The following CHM variants were observed in gnomAD, a reference collection of about 807,000 sequenced individuals.
CHM encodes rab proteins geranylgeranyltransferase component A 1.
In CHM, 10 loss-of-function variants were observed where a neutral mutation model predicts 49.0. That is an observed-to-expected ratio of 0.20 (90% CI 0.13 to 0.35). The LOEUF (loss-of-function observed/expected upper bound fraction) is 0.35. Ranked by LOEUF, CHM falls within the 10% of genes least tolerant of loss-of-function variation. The probability of loss-of-function intolerance (pLI) is 1.00; values close to 1 mark genes in which losing one functional copy is unlikely to be tolerated. For synonymous variants in CHM, 184 were observed against 167.5 expected (o/e 1.10, Z -0.76); for missense variants, 455 against 478.4 (o/e 0.95, Z 0.46).
At chrX:86,033,065 T>C (rs1040407460) in intron 1 of CHM, among the ~76,000 whole-genome samples, 11 of 111,556 alleles carry the variant, frequency 9.9e-5, no homozygotes, top group African/African-American at 3.3e-4. Flanking sequence ...AAAACCATTA[T>C]CTATTCATTT....
In CHM at chrX:85,861,444, A is replaced by C. The variant is rs968897578; in HGVS notation, c.*3186T>G. On this transcript the variant is annotated 3_prime_UTR_variant, in exon 15 of 15. Transcript: ENST00000357749. ...TTAGACAAAGGCTACCAAGGCTGACAATCCAGGTAACTATGGCAGTGACAG... is the reference window on the plus strand; with the variant it reads ...TTAGACAAAGGCTACCAAGGCTGACCATCCAGGTAACTATGGCAGTGACAG... The C allele has an allele frequency of 1.8e-5, 2 of 111,559 alleles. No homozygotes were observed. Among genetic ancestry groups the C allele is most frequent in the Non-Finnish European group, 3.8e-5 (2 of 53,063 alleles). The allele number at this position is 111,559 out of a possible 1,213,427, so 9.2% of individuals were successfully genotyped here.
intron 2 of CHM, among the ~76,000 whole-genome samples, chrX:86,002,205 CA>C (rs1210130199): frequency 8.9e-6 from 1 of 112,063 alleles, no homozygotes; most frequent in Non-Finnish European, 1.9e-5. Context: ...GGAACCTGGG[CA>C]AACCTGTGAC....
At chrX:85,923,868 AAAGGGTGGAAG>A in intron 8 of CHM, among the ~76,000 whole-genome samples, 1 of 110,741 alleles carries the variant, frequency 9.0e-6, no homozygotes, top group Admixed American at 9.7e-5. Flanking sequence ...TGACCACATG[AAAGGGTGGAAG>A]AACATTCCAA....
At chrX:85,903,906 T>G (rs1216662575) in intron 9 of CHM, among the ~76,000 whole-genome samples, 1 of 111,272 alleles carries the variant, frequency 9.0e-6, no homozygotes, top group Non-Finnish European at 1.9e-5. Flanking sequence ...AATATCACGC[T>G]GAAGTACTAA....
chrX:86,031,703 G>T (rs376323934), intron 1 of CHM, among the ~76,000 whole-genome samples: 1 of 59,660 alleles, frequency 1.7e-5, no homozygotes, highest in East Asian at 7.2e-4. Context: ...AGCCAGGCGC[G>T]GTGGCGCATG....
chrX:85,963,703 T>C lies in CHM; in HGVS notation c.664A>G (p.Lys222Glu). ...KNRITYSQII[K>E]EGRRFNIDLV... is the part of the protein sequence containing the mutation. ...TCAATATTAAATCTCCTGCCTTCTT[T>C]AATAATTTGTGAGTAAGTAATTCTG... Residue 222 changes from lysine (K) to glutamate (E), a missense_variant, in exon 5 of 15, where the codon AAA becomes GAA. Transcript: ENST00000357749. The C allele has an allele frequency of 8.3e-7, 1 of 1,201,851 alleles. No homozygotes were observed. The highest frequency in any genetic ancestry group is 1.1e-6 in the Non-Finnish European group (1 of 886,855).
intron 2 of CHM, among the ~76,000 whole-genome samples, chrX:86,017,411 G>T: frequency 9.0e-6 from 1 of 111,538 alleles, no homozygotes; most frequent in African/African-American, 3.3e-5. Flanking sequence ...TTGTGGGAGG[G>T]ACCCAGTGGG....
At chrX:86,019,080 G>A (rs1456577081) in intron 2 of CHM, among the ~76,000 whole-genome samples, 2 of 111,941 alleles carry the variant, frequency 1.8e-5, no homozygotes, top group Non-Finnish European at 3.8e-5. Flanking sequence ...TGGGACAGGG[G>A]ACAGAGTGGG....
intron 4 of CHM, among the ~76,000 whole-genome samples, chrX:85,975,460 T>C (rs185772476): frequency 2.2e-3 from 248 of 112,202 alleles, no homozygotes; most frequent in African/African-American, 7.8e-3. Flanking sequence ...TGTGGAATAC[T>C]ATTCAGTGAT....
chrX:86,033,867 C>G (rs968212288), intron 1 of CHM, among the ~76,000 whole-genome samples: 1 of 112,083 alleles, frequency 8.9e-6, no homozygotes, highest in Non-Finnish European at 1.9e-5. Context: ...TTTAAAATCT[C>G]TGAACTTCTT....
rs150221020 is a variant in CHM, at chrX:85,889,026, T to C, written c.1510+5162A>G. On this transcript the variant is annotated intron_variant, in intron 12 of 14. Coordinates refer to ENST00000357749, the MANE Select transcript of CHM (RefSeq NM_000390.4). ...ACCAAGGGTATTTATCATTATTTGG[T>C]AGAGGGATTATAGTAACTTTTCTTT... 1.1e-3 allele frequency among the ~76,000 whole-genome samples: 124 copies of C among 112,130 alleles called. No individual in the cohort carries two copies. The East Asian group carries it at 0.03, about 27-fold the overall frequency.
intron 1 of CHM, among the ~76,000 whole-genome samples, chrX:86,030,541 T>C (rs1338414954): frequency 9.0e-6 from 1 of 111,523 alleles, no homozygotes; most frequent in Non-Finnish European, 1.9e-5. Flanking sequence ...TGCTAGGTAG[T>C]GAGAGGTTGC....
intron 2 of CHM, among the ~76,000 whole-genome samples, chrX:85,994,820 C>G (rs1264657510): frequency 9.0e-6 from 1 of 111,336 alleles, no homozygotes; most frequent in Non-Finnish European, 1.9e-5. Context: ...AGAGAAAAAG[C>G]TTTCTCTTTA....
intron 2 of CHM, among the ~76,000 whole-genome samples, chrX:85,992,317 T>C (rs1474154817): frequency 9.0e-6 from 1 of 111,641 alleles, no homozygotes; most frequent in African/African-American, 3.2e-5. Context: ...CCAATTTTAT[T>C]GCTTATCTCA....
rs75722568 is a variant in CHM at position 85,897,518 on chromosome X, C to T, written c.1413+3128G>A. 3.4e-3 allele frequency among the ~76,000 whole-genome samples: 370 copies of T among 109,463 alleles called. 2 individuals carry two copies. In the East Asian group the frequency reaches 0.053, roughly 16 times the overall value. On this transcript the variant is annotated intron_variant, in intron 11 of 14. Coordinates refer to ENST00000357749, the MANE Select transcript of CHM (RefSeq NM_000390.4). ...ATTCATTCCTGGGCTGAAGTACACA[C>T]GTGGTGGTGGGGCAGGAAGTCAAGG...
intron 2 of CHM, among the ~76,000 whole-genome samples, chrX:85,982,658 T>G (rs917168946): frequency 1.2e-4 from 13 of 111,473 alleles, no homozygotes; most frequent in Non-Finnish European, 3.8e-5. Context: ...ACTTACTGAC[T>G]CTGTATGATG....
intron 9 of CHM, among the ~76,000 whole-genome samples, chrX:85,901,437 T>C (rs1179829760): frequency 9.0e-6 from 1 of 111,287 alleles, no homozygotes; most frequent in Non-Finnish European, 1.9e-5. Context: ...GTATTTTGAA[T>C]GCCATTAATA....
chrX:85,864,508 T>C lies in CHM; in HGVS notation c.*122A>G. 1.5e-5 allele frequency: 9 copies of C among 586,631 alleles called. No homozygotes were observed. The highest frequency in any genetic ancestry group is 2.6e-5 in the Non-Finnish European group (9 of 348,431). 48.3% of individuals were successfully genotyped at this position (586,631 alleles called of 1,213,427 possible). ...AGGAAAATCCCCTTTTGGATTTCTATTACCTATTTTGCCTTATAATTGCTG... is the reference window on the plus strand; with the variant it reads ...AGGAAAATCCCCTTTTGGATTTCTACTACCTATTTTGCCTTATAATTGCTG... On this transcript the variant is annotated 3_prime_UTR_variant, in exon 15 of 15. Coordinates refer to ENST00000357749, the MANE Select transcript of CHM (RefSeq NM_000390.4).
intron 8 of CHM, among the ~76,000 whole-genome samples, chrX:85,916,809 G>A (rs974086103): frequency 1.2e-4 from 14 of 112,183 alleles, no homozygotes; most frequent in African/African-American, 4.5e-4. Context: ...TGCTGGTAAG[G>A]TTGTGGTGAA....
Sources: gnomAD v4.1 joint callset for allele counts (sites outside exome capture counted in the v4.1 genomes callset) on GRCh38, gnomAD v4.1.1 for gene constraint, MANE v1.5 for transcripts, NCBI Gene and HGNC (gene_info 2026-07-23, HGNC 2026-07-21) for gene names.